DLC1: variants seen among roughly 807,000 people sequenced by gnomAD.
The protein encoded by DLC1 is rho GTPase-activating protein 7.
Under a neutral mutation model 140.3 loss-of-function variants are expected in DLC1, and 54 were observed. The observed-to-expected ratio is 0.38, with a 90% CI of 0.31 to 0.48. The LOEUF (loss-of-function observed/expected upper bound fraction) is 0.48. Among genes scored for constraint, DLC1 ranks in the 20% least tolerant of loss-of-function variants. DLC1 has a pLI of 0.96. For synonymous variants in DLC1, 986 were observed against 728.1 expected (o/e 1.35, Z -5.70); for missense variants, 2,536 against 1,907.0 (o/e 1.33, Z -6.14).
intron 4 of DLC1, among the ~76,000 whole-genome samples, chr8:13,367,004 C>G (rs537300936): frequency 2.6e-5 from 4 of 152,294 alleles, no homozygotes; most frequent in Middle Eastern, 3.4e-3. Context: ...ACTCTCCCAA[C>G]CACGAACTTT....
chr8:13,214,492 A>C, intron 5 of DLC1: 1 of 664,014 alleles, frequency 1.5e-6, no homozygotes. Context: ...GGTTTCTCTT[A>C]TCATTGGTGA....
chr8:13,506,820 CGAA>C (rs1450406834), intron 1 of DLC1, among the ~76,000 whole-genome samples: 4 of 151,920 alleles, frequency 2.6e-5, no homozygotes, highest in South Asian at 2.1e-4. Context: ...AGCATATGAA[CGAA>C]GAAGAAGACA....
At chr8:13,451,061 A>AAAAAAAAAAAAAAAAAAAAAAAAG (rs1563357501) in intron 2 of DLC1, among the ~76,000 whole-genome samples, 7 of 138,402 alleles carry the variant, frequency 5.1e-5, no homozygotes, top group Non-Finnish European at 6.1e-5. Context: ...AAAAAAAAAA[A>AAAAAAAAAAAAAAAAAAAAAAAAG]AAAAAAAGAA....
chr8:13,219,024 A>G (rs1339892968), intron 5 of DLC1, among the ~76,000 whole-genome samples: 3 of 90,554 alleles, frequency 3.3e-5, no homozygotes, highest in African/African-American at 1.7e-4. Flanking sequence ...TTATATACGT[A>G]TATAATTATG....
intron 2 of DLC1, among the ~76,000 whole-genome samples, chr8:13,491,850 A>G (rs11775251): frequency 0.85 from 129,505 of 152,116 alleles, 55,929 homozygotes; most frequent in Non-Finnish European, 0.94. Context: ...CATGACACTT[A>G]GCATTATCCT....
At chr8:13,180,134 T>C (rs1175918202) in intron 5 of DLC1, among the ~76,000 whole-genome samples, 1 of 152,218 alleles carries the variant, frequency 6.6e-6, no homozygotes, top group African/African-American at 2.4e-5. Flanking sequence ...ACTCCCTTAA[T>C]TCATATGTCA....
At chr8:13,539,605 G>T (rs145761021) in intron 1 of DLC1, among the ~76,000 whole-genome samples, 1,556 of 152,286 alleles carry the variant, frequency 0.01, 27 homozygotes, top group African/African-American at 0.035. Flanking sequence ...GAGGCCAGGA[G>T]CTTCTGTCCC....
At chr8:13,141,074 G>C (rs767758915) in intron 5 of DLC1, among the ~76,000 whole-genome samples, 34 of 151,876 alleles carry the variant, frequency 2.2e-4, no homozygotes, top group Non-Finnish European at 5.9e-5. Flanking sequence ...GACCAACATG[G>C]AGGAATCCCC....
intron 2 of DLC1, among the ~76,000 whole-genome samples, chr8:13,455,024 G>A (rs1163168493): frequency 2.0e-5 from 3 of 151,958 alleles, no homozygotes; most frequent in East Asian, 1.9e-4. Flanking sequence ...CCTGATACAC[G>A]GTAGACTTGC....
chr8:13,232,081 A>G (rs1477111486), intron 5 of DLC1, among the ~76,000 whole-genome samples: 1 of 152,106 alleles, frequency 6.6e-6, no homozygotes, highest in Non-Finnish European at 1.5e-5. Context: ...GTGCTCTGAA[A>G]TAAGGAGGTG....
chr8:13,475,027 G>A (rs369322778), intron 2 of DLC1, among the ~76,000 whole-genome samples: 13 of 152,014 alleles, frequency 8.6e-5, no homozygotes, highest in African/African-American at 2.9e-4. Flanking sequence ...TGCCCAGGCT[G>A]GTCTTGAACT....
At chr8:13,438,231 G>A (rs1839209230) in intron 2 of DLC1, among the ~76,000 whole-genome samples, 1 of 152,038 alleles carries the variant, frequency 6.6e-6, no homozygotes, top group South Asian at 2.1e-4. Context: ...TCTAGCACGG[G>A]TATATTTAAA....
chr8:13,347,323 G>A (rs1834389341), intron 4 of DLC1, among the ~76,000 whole-genome samples: 2 of 152,168 alleles, frequency 1.3e-5, no homozygotes, highest in Non-Finnish European at 1.5e-5. Flanking sequence ...TAATGGTGAT[G>A]AATAAAGTTT....
intron 5 of DLC1, among the ~76,000 whole-genome samples, chr8:13,125,989 C>G (rs1315417759): frequency 1.3e-5 from 2 of 151,982 alleles, no homozygotes; most frequent in African/African-American, 4.8e-5. Context: ...AATTGAAATC[C>G]TCTTTGGGGA....
At chr8:13,221,044 C>G (rs1828521750) in intron 5 of DLC1, among the ~76,000 whole-genome samples, 1 of 152,150 alleles carries the variant, frequency 6.6e-6, no homozygotes, top group South Asian at 2.1e-4. Context: ...CTAGAGGTTA[C>G]TCCAGTGCAC....
chr8:13,430,377 T>C (rs558097178), intron 2 of DLC1, among the ~76,000 whole-genome samples: 1 of 152,334 alleles, frequency 6.6e-6, no homozygotes, highest in East Asian at 1.9e-4. Context: ...GAAGTAAATA[T>C]GTGATCATTA....
At chr8:13,397,524 A>G (rs1473721707) in intron 3 of DLC1, among the ~76,000 whole-genome samples, 1 of 152,062 alleles carries the variant, frequency 6.6e-6, no homozygotes, top group Non-Finnish European at 1.5e-5. Context: ...TGGCGCAATA[A>G]CCAATAATTA....
At chr8:13,153,397 T>C (rs1167789901) in intron 5 of DLC1, among the ~76,000 whole-genome samples, 1 of 152,144 alleles carries the variant, frequency 6.6e-6, no homozygotes, top group Admixed American at 6.5e-5. Flanking sequence ...TCACAGTGAC[T>C]GTTACAGCTC....
At chr8:13,165,373 G>T (rs919143590) in intron 5 of DLC1, among the ~76,000 whole-genome samples, 1 of 152,166 alleles carries the variant, frequency 6.6e-6, no homozygotes, top group Non-Finnish European at 1.5e-5. Context: ...AGAGGTTTTC[G>T]CGTGACACAC....
Sources: gnomAD v4.1 joint callset for allele counts (sites outside exome capture counted in the v4.1 genomes callset) on GRCh38, gnomAD v4.1.1 for gene constraint, MANE v1.5 for transcripts, NCBI Gene and HGNC (gene_info 2026-07-23, HGNC 2026-07-21) for gene names.